Variants in IQGAP1 observed in about 807,000 individuals in gnomAD.
The protein encoded by IQGAP1 is IQ motif containing GTPase activating protein 1, also known as ras GTPase-activating-like protein IQGAP1.
IQGAP1 carries 66 observed loss-of-function variants against 215.6 expected under a neutral mutation model. The observed-to-expected ratio is 0.31, with a 90% CI of 0.25 to 0.38. The LOEUF (loss-of-function observed/expected upper bound fraction) is 0.38. Ranked by LOEUF, IQGAP1 falls within the 10% of genes least tolerant of loss-of-function variation. The pLI, the probability that IQGAP1 is intolerant of heterozygous loss-of-function variation, is 1.00. For missense variants in IQGAP1, 1,712 were observed against 1,997.1 expected (o/e 0.86, Z 2.72); for synonymous variants, 772 against 728.7 (o/e 1.06, Z -0.96).
chr15:90,493,395 C>T (rs1415916931), intron 35 of IQGAP1, among the ~76,000 whole-genome samples: 2 of 151,978 alleles, frequency 1.3e-5, no homozygotes, highest in Non-Finnish European at 2.9e-5. Context: ...GATTTTTTTT[C>T]CTGGGTGCTG....
At chr15:90,465,722 G>T (rs1410434219) in intron 15 of IQGAP1, among the ~76,000 whole-genome samples, 1 of 151,842 alleles carries the variant, frequency 6.6e-6, no homozygotes, top group Non-Finnish European at 1.5e-5. Context: ...GAGAGACGGG[G>T]TCTCACTATG....
chr15:90,470,954 T>C (rs953494322), intron 18 of IQGAP1, among the ~76,000 whole-genome samples: 1 of 152,030 alleles, frequency 6.6e-6, no homozygotes, highest in African/African-American at 2.4e-5. Flanking sequence ...AAAGAGTCCA[T>C]TGGCTGCCTT....
chr15:90,400,789 A>G (rs1359364811), intron 2 of IQGAP1, among the ~76,000 whole-genome samples: 1 of 152,218 alleles, frequency 6.6e-6, no homozygotes, highest in Non-Finnish European at 1.5e-5. Context: ...CCAAGTTGGC[A>G]TGTTCTAGGA....
intron 15 of IQGAP1, among the ~76,000 whole-genome samples, chr15:90,462,218 C>T (rs1435562044): frequency 2.6e-5 from 4 of 152,180 alleles, no homozygotes; most frequent in Non-Finnish European, 5.9e-5. Context: ...TGTGTATATG[C>T]ACTTATGCAC....
Position 90,433,766 on chromosome 15 carries a change from A to T in IQGAP1, c.438A>T (p.Pro146=). 1 of 1,608,294 alleles carries T rather than the reference A, an allele frequency of 6.2e-7. No homozygotes were observed. The highest frequency in any genetic ancestry group is 8.5e-7 in the Non-Finnish European group (1 of 1,176,290). The change falls in exon 5 of 38, where the codon CCA becomes CCT. Residue 146 remains proline, a synonymous_variant. Transcript: ENST00000268182. ...ATATCTATGATCGAAAGAACATGCC[A>T]AGATGTATCTACTGTATCCATGCAC... ...TTDIYDRKNM[P]RCIYCIHALS... is the part of the protein sequence containing the mutation.
At position 90,502,238 on chromosome 15, in the gene IQGAP1, C is replaced by G. The variant is rs1966351646; in HGVS notation, c.*2130C>G. 1 of 152,560 alleles carries G rather than the reference C, an allele frequency of 6.6e-6. No homozygotes were observed. The highest frequency in any genetic ancestry group is 1.5e-5 in the Non-Finnish European group (1 of 68,038). The allele number at this position is 152,560 out of a possible 1,614,324, so 9.5% of individuals were successfully genotyped here. On this transcript the variant is annotated 3_prime_UTR_variant, in exon 38 of 38. Transcript: ENST00000268182. ...TGTATGAAATAAAAGGTCATTTGTTCATGTTTGTGTTTTTCTCAGTTTCAT... is the reference window on the plus strand; with the variant it reads ...TGTATGAAATAAAAGGTCATTTGTTGATGTTTGTGTTTTTCTCAGTTTCAT...
chr15:90,476,723 A>T lies in IQGAP1; in HGVS notation c.2845A>T (p.Met949Leu). ...AAATAAGGAACAGTTGTCTGATATG[A>T]TGATGATAAATAAACAGAAGGGAGG... The part of the protein sequence containing the change: ...KKNKEQLSDM[M>L]MINKQKGGLK... Residue 949 changes from methionine to leucine, a missense_variant, in exon 24 of 38, where the codon ATG (methionine) becomes TTG (leucine). Physicochemically the swap from Met to Leu is conservative, Grantham distance 15. Around this residue, in one of 2 missense-constraint regions of IQGAP1, gnomAD observed 691 missense variants for 923.0 expected, o/e 0.75. Transcript: ENST00000268182. 6.2e-7 allele frequency: 1 copy of T among 1,605,654 alleles called. No individual in the cohort carries two copies. Among genetic ancestry groups the T allele is most frequent in the Non-Finnish European group, 8.5e-7 (1 of 1,177,870 alleles).
Position 90,390,866 on chromosome 15 carries a change from G to A in IQGAP1, c.148G>A (p.Ala50Thr). Reference sequence around the variant, plus strand: ...TGAGTACCTTTGTCATTTGGAAGAAGCGAAGAGGTAAAGATTGGCTGGCTG... The same window carrying A: ...TGAGTACCTTTGTCATTTGGAAGAAACGAAGAGGTAAAGATTGGCTGGCTG... Reference protein sequence around the residue: ...AYEYLCHLEEAKRWMEACLGE... With the variant: ...AYEYLCHLEETKRWMEACLGE... Residue 50 changes from alanine to threonine, a missense_variant, in exon 2 of 38, where the codon GCG becomes ACG. Physicochemically the swap from Ala to Thr is moderately conservative, Grantham distance 58 (BLOSUM62 0). Transcript: ENST00000268182. 6.3e-7 allele frequency: 1 copy of A among 1,597,512 alleles called. No homozygotes were observed. The highest frequency in any genetic ancestry group is 1.1e-5 in the South Asian group (1 of 90,752).
At chr15:90,457,042 A>G (rs886916667) in intron 15 of IQGAP1, among the ~76,000 whole-genome samples, 1 of 151,686 alleles carries the variant, frequency 6.6e-6, no homozygotes, top group Non-Finnish European at 1.5e-5. Context: ...ATGCAATTGC[A>G]TAAATTTTCA....
chr15:90,439,546 T>G (rs1448514046), intron 6 of IQGAP1, 147 bp downstream of exon 6: 1 of 571,432 alleles, frequency 1.7e-6, no homozygotes, highest in Non-Finnish European at 3.1e-6. Flanking sequence ...TTCTCTAATG[T>G]GGGGTAAAGA....
intron 11 of IQGAP1, among the ~76,000 whole-genome samples, chr15:90,452,139 G>C (rs756274506): frequency 4.6e-5 from 7 of 152,134 alleles, no homozygotes; most frequent in Non-Finnish European, 7.3e-5. Flanking sequence ...AGTTACTCCA[G>C]TTTTAAAGGT....
Position 90,439,390 on chromosome 15 carries a change from G to A in IQGAP1, c.526G>A (p.Asp176Asn). Residue 176 changes from aspartate (D) to asparagine (N), a missense_variant, in exon 6 of 38, where the codon GAC becomes AAC. Asp to Asn is a conservative substitution (Grantham distance 23, BLOSUM62 1). This residue lies in a region of IQGAP1 where 1,021 missense variants were observed against 1,074.2 expected (regional missense o/e 0.95). Coordinates refer to ENST00000268182, the MANE Select transcript of IQGAP1 (RefSeq NM_003870.4). ...PQIQDLYGKVDFTEEEINNMK... is the reference protein window; with the variant it reads ...PQIQDLYGKVNFTEEEINNMK... ...GATTCAAGACCTATATGGAAAGGTT[G>A]ACTTCACAGGTAAGGAGTTAGATAC... 1.2e-6 allele frequency: 2 copies of A among 1,612,052 alleles called. No homozygotes were observed. Among genetic ancestry groups the A allele is most frequent in the South Asian group, 2.2e-5 (2 of 90,898 alleles).
Position 90,440,576 on chromosome 15 carries a change from G to T in IQGAP1, c.610G>T (p.Gly204Cys). Reference protein sequence around the residue: ...IQMPAFSKIGGILANELSVDE... With the variant: ...IQMPAFSKIGCILANELSVDE... ...GATGCCTGCCTTTAGCAAGATTGGG[G>T]GCATCTTGGCTAATGAACTGTCAGT... The change falls in exon 7 of 38, where the codon GGC (glycine) becomes TGC (cysteine). Residue 204 changes from glycine (G) to cysteine (C), a missense_variant. By Grantham distance (159) the Gly-to-Cys change is radical. Transcript: ENST00000268182. 2 of 1,568,668 alleles carry T rather than the reference G, an allele frequency of 1.3e-6. No individual in the cohort carries two copies. The highest frequency in any genetic ancestry group is 1.7e-6 in the Non-Finnish European group (2 of 1,155,118).
intron 2 of IQGAP1, among the ~76,000 whole-genome samples, chr15:90,407,625 T>G (rs1964898438): frequency 6.6e-6 from 1 of 152,244 alleles, no homozygotes. Context: ...CTAACCTAAG[T>G]ATTTTCTCGT....
Position 90,487,480 on chromosome 15 carries a change from C to T in IQGAP1, c.4161-15C>T, listed in dbSNP as rs768089029. 10 of 1,592,440 alleles carry T rather than the reference C, an allele frequency of 6.3e-6. No homozygotes were observed. The highest frequency in any genetic ancestry group is 8.6e-6 in the Non-Finnish European group (10 of 1,160,564). ...ACACTGGTAATATTTAAATGCCTCC[C>T]CCATCTCGTTTCAGTACAAAACGTT... On this transcript the variant is annotated splice_polypyrimidine_tract_variant and intron_variant, in intron 32 of 37. Coordinates refer to ENST00000268182, the MANE Select transcript of IQGAP1 (RefSeq NM_003870.4).
intron 36 of IQGAP1, among the ~76,000 whole-genome samples, chr15:90,496,224 C>T (rs997261554): frequency 2.7e-5 from 4 of 148,774 alleles, no homozygotes; most frequent in South Asian, 4.2e-4. Flanking sequence ...CAGCCCTGTT[C>T]GTAATAGGTA....
intron 26 of IQGAP1, among the ~76,000 whole-genome samples, chr15:90,479,006 TTTTA>T (rs1208579202): frequency 8.6e-5 from 13 of 152,008 alleles, no homozygotes; most frequent in African/African-American, 2.9e-4. Flanking sequence ...ACGTTTCTGG[TTTTA>T]TTTGTCTTGG....
chr15:90,421,201 C>T (rs955571549), intron 2 of IQGAP1, among the ~76,000 whole-genome samples: 18 of 151,676 alleles, frequency 1.2e-4, no homozygotes, highest in African/African-American at 2.7e-4. Flanking sequence ...AGAGGCTGGG[C>T]GTGGTGGCTC....
intron 18 of IQGAP1, among the ~76,000 whole-genome samples, chr15:90,469,224 G>A (rs925354872): frequency 1.3e-5 from 2 of 152,100 alleles, no homozygotes; most frequent in Non-Finnish European, 2.9e-5. Flanking sequence ...GCTCCTGTAG[G>A]TCGTTAGACA....
Sources: allele counts gnomAD v4.1 joint callset (sites outside exome capture counted in the v4.1 genomes callset), GRCh38; gene constraint gnomAD v4.1.1; regional missense constraint gnomAD v4.1.1; transcripts MANE v1.5; gene names NCBI Gene and HGNC (gene_info 2026-07-23, HGNC 2026-07-21).